ITGAV: variants seen among roughly 807,000 people sequenced by gnomAD.
The protein encoded by ITGAV is integrin subunit alpha V, also known as integrin alpha-V.
ITGAV carries 76 observed loss-of-function variants against 143.8 expected under a neutral mutation model. That is an observed-to-expected ratio of 0.53 (90% CI 0.44 to 0.64). The LOEUF (loss-of-function observed/expected upper bound fraction) is 0.64, where lower values mean the gene tolerates loss of function less well. Ranked by LOEUF, ITGAV falls within the 30% of genes least tolerant of loss-of-function variation. The pLI, the probability that ITGAV is intolerant of heterozygous loss-of-function variation, is 0.00. For missense variants in ITGAV, 1,193 were observed against 1,274.7 expected (o/e 0.94, Z 0.98); for synonymous variants, 453 against 446.7 (o/e 1.01, Z -0.18).
At chr2:186,641,079 T>A in intron 11 of ITGAV, 112 bp downstream of exon 11, 10 of 863,726 alleles carry the variant, frequency 1.2e-5, no homozygotes, top group Non-Finnish European at 1.8e-5. Flanking sequence ...TGCTAATCTT[T>A]CTGTTTAAGG....
chr2:186,629,260 T>C (rs186067243), intron 4 of ITGAV, among the ~76,000 whole-genome samples: 1 of 152,216 alleles, frequency 6.6e-6, no homozygotes, highest in East Asian at 1.9e-4. Context: ...CAGTTTAATA[T>C]ATACCTGTTA....
At chr2:186,622,826 G>A (rs972408060) in intron 3 of ITGAV, among the ~76,000 whole-genome samples, 3 of 151,688 alleles carry the variant, frequency 2.0e-5, no homozygotes, top group African/African-American at 7.3e-5. Context: ...GCAGTGGTGC[G>A]ATCTCGGCTG....
chr2:186,619,485 C>CCCTACTAGTTTTTA (rs1687463950), intron 2 of ITGAV, among the ~76,000 whole-genome samples: 1 of 151,950 alleles, frequency 6.6e-6, no homozygotes, highest in Non-Finnish European at 1.5e-5. Context: ...TGTTTTCTAC[C>CCCTACTAGTTTTTA]ACTGTAGGGT....
chr2:186,641,958 G>A (rs967436187), intron 12 of ITGAV, among the ~76,000 whole-genome samples: 24 of 151,882 alleles, frequency 1.6e-4, no homozygotes, highest in African/African-American at 5.8e-4. Flanking sequence ...AAAAAAAAAT[G>A]CTTCCAGGCA....
At chr2:186,666,994 A>G (rs995465201) in intron 22 of ITGAV, among the ~76,000 whole-genome samples, 156 bp from the exon 23 acceptor site, 6 of 152,200 alleles carry the variant, frequency 3.9e-5, no homozygotes, top group African/African-American at 1.4e-4. Flanking sequence ...GAAAATGTTC[A>G]TCTTCTTGGA....
chr2:186,676,966 G>A (rs1474086919), intron 29 of ITGAV, 31 bp downstream of exon 29: 2 of 1,603,756 alleles, frequency 1.2e-6, no homozygotes, highest in Non-Finnish European at 1.7e-6. Context: ...GAAGGAGAGA[G>A]GGAAAGCAGA....
intron 2 of ITGAV, 64 bp downstream of exon 2, chr2:186,602,215 T>G (rs1366322464): frequency 4.2e-6 from 6 of 1,425,090 alleles, no homozygotes; most frequent in Middle Eastern, 1.8e-4. Context: ...GCAATTGGTT[T>G]AGTTTAAATG....
intron 16 of ITGAV, among the ~76,000 whole-genome samples, chr2:186,655,140 A>T (rs931525014): frequency 2.0e-5 from 3 of 152,162 alleles, no homozygotes; most frequent in African/African-American, 7.2e-5. Context: ...TTGGTCATGC[A>T]ATTTAATTCA....
At position 186,663,716 on chromosome 2, in the gene ITGAV, T is replaced by G. The variant is rs371891831; in HGVS notation, c.1858-52T>G. On this transcript the variant is annotated intron_variant, in intron 18 of 29. Transcript: ENST00000261023. ...CATAGATATTGATAAACACTGCTTA[T>G]GCCACCTGCATTGGTATTTTTCATG... 245 of 1,280,124 alleles carry G rather than the reference T, an allele frequency of 1.9e-4. 1 individual carries two copies. The African/African-American group carries it at 2.9e-3, about 15-fold the overall frequency. The allele number at this position is 1,280,124 out of a possible 1,614,324, so 79.3% of individuals were successfully genotyped here.
intron 21 of ITGAV, 96 bp from the exon 22 acceptor site, chr2:186,666,608 C>T: frequency 5.1e-6 from 3 of 583,608 alleles, no homozygotes; most frequent in Non-Finnish European, 8.6e-6. Flanking sequence ...TCAGAAAAAC[C>T]CCATTTTAGA....
chr2:186,604,714 A>G (rs1431452111), intron 2 of ITGAV, among the ~76,000 whole-genome samples: 1 of 152,244 alleles, frequency 6.6e-6, no homozygotes, highest in Admixed American at 6.5e-5. Context: ...TTTAATTAAC[A>G]GTAAGACTGA....
chr2:186,654,750 C>A (rs759749805), intron 16 of ITGAV, 42 bp downstream of exon 16: 2 of 779,388 alleles, frequency 2.6e-6, no homozygotes, highest in Non-Finnish European at 4.4e-6. Context: ...AATGATACTG[C>A]ATACACAGCA....
intron 21 of ITGAV, 48 bp from the exon 22 acceptor site, chr2:186,666,656 G>T: frequency 9.4e-7 from 1 of 1,068,264 alleles, no homozygotes; most frequent in South Asian, 2.0e-5. Flanking sequence ...TTGAAATTTT[G>T]CTAATTAGAC....
chr2:186,642,514 CTTTG>C (rs751431720), intron 12 of ITGAV, among the ~76,000 whole-genome samples: 10 of 146,350 alleles, frequency 6.8e-5, no homozygotes, highest in Non-Finnish European at 1.4e-4. Context: ...ATTTCTTTTT[CTTTG>C]TTTCTTTCTT....
chr2:186,670,207 A>G (rs923221398), intron 26 of ITGAV, among the ~76,000 whole-genome samples: 2 of 152,206 alleles, frequency 1.3e-5, no homozygotes, highest in Non-Finnish European at 2.9e-5. Context: ...TATAATGGCT[A>G]TAATGTTTTT....
At chr2:186,658,617 A>G (rs894806122) in intron 17 of ITGAV, among the ~76,000 whole-genome samples, 2 of 152,170 alleles carry the variant, frequency 1.3e-5, no homozygotes, top group Non-Finnish European at 2.9e-5. Context: ...TACATGCAAT[A>G]GAATGGATGG....
At chr2:186,661,208 A>C (rs1234907072) in intron 18 of ITGAV, among the ~76,000 whole-genome samples, 2 of 152,188 alleles carry the variant, frequency 1.3e-5, no homozygotes, top group African/African-American at 4.8e-5. Context: ...AACACATCTA[A>C]ATTCAAATAT....
chr2:186,653,181 A>G (rs1017659075), intron 15 of ITGAV, among the ~76,000 whole-genome samples: 46 of 151,980 alleles, frequency 3.0e-4, no homozygotes, highest in Non-Finnish European at 5.4e-4. Context: ...TCCTGACCTC[A>G]TGATCCACCC....
chr2:186,667,511 A>G, intron 23 of ITGAV, 160 bp from the exon 24 acceptor site: 1 of 519,426 alleles, frequency 1.9e-6, no homozygotes, highest in Admixed American at 3.2e-5. Flanking sequence ...TCATAAGAGC[A>G]GTTTTTGTGC....
Sources: allele counts gnomAD v4.1 joint callset (sites outside exome capture counted in the v4.1 genomes callset), GRCh38; gene constraint gnomAD v4.1.1; transcripts MANE v1.5; gene names NCBI Gene and HGNC (gene_info 2026-07-23, HGNC 2026-07-21).